Variants in SEMA4B observed in about 807,000 individuals in gnomAD.
SEMA4B encodes the protein semaphorin 4B.
SEMA4B carries 55 observed loss-of-function variants against 88.1 expected under a neutral mutation model. That is an observed-to-expected ratio of 0.62 (90% CI 0.50 to 0.78). The LOEUF is 0.78. Among genes scored for constraint, SEMA4B ranks in the 30% least tolerant of loss-of-function variants. The pLI, the probability that SEMA4B is intolerant of heterozygous loss-of-function variation, is 0.00. For missense variants in SEMA4B, 1,062 were observed against 1,111.9 expected (o/e 0.96, Z 0.64); for synonymous variants, 525 against 473.6 (o/e 1.11, Z -1.41).
Position 90,219,843 on chromosome 15 carries a change from C to T in SEMA4B, c.435C>T (p.His145=). Residue 145 remains histidine, a synonymous_variant, in exon 4 of 14, where the codon CAC becomes CAT. Transcript: ENST00000411539. ...IKILLPLSGS[H]LFTCGTAAFS... ...TCCTCCTGCCGCTCAGCGGCAGTCA[C>T]CTGTTCACCTGTGGCACAGCAGCCT... is the stretch of plus-strand genomic sequence containing the variant. 1 of 1,613,692 alleles carries T rather than the reference C, an allele frequency of 6.2e-7. No homozygotes were observed. Among genetic ancestry groups the T allele is most frequent in the Non-Finnish European group, 8.5e-7 (1 of 1,179,842 alleles).
intron 9 of SEMA4B, among the ~76,000 whole-genome samples, chr15:90,224,366 C>G (rs1396306414): frequency 6.6e-6 from 1 of 152,212 alleles, no homozygotes; most frequent in Non-Finnish European, 1.5e-5. Context: ...GCCTAACGGG[C>G]TACCCTGATA....
At chr15:90,217,241 T>C in intron 1 of SEMA4B, 198 bp from the exon 2 acceptor site, 1 of 555,008 alleles carries the variant, frequency 1.8e-6, no homozygotes, top group Non-Finnish European at 3.2e-6. Flanking sequence ...CATCTCTGCA[T>C]CATTTCTTAT....
At chr15:90,200,682 T>G (rs1408030215), upstream of SEMA4B, among the ~76,000 whole-genome samples, 2 of 152,042 alleles carry the variant, frequency 1.3e-5, no homozygotes, top group East Asian at 3.9e-4. Flanking sequence ...GTTGTGAAGG[T>G]TTTACCTCCT....
In SEMA4B at chr15:90,209,278, C is replaced by T. The variant is rs149347067; in HGVS notation, c.157+7543C>T. ...AAAAGAAGAGCACAAAGACCGGGCGCGGTGGCTCACACCTGTAATCCCAAC... is the reference window on the plus strand; with the variant it reads ...AAAAGAAGAGCACAAAGACCGGGCGTGGTGGCTCACACCTGTAATCCCAAC... On this transcript the variant is annotated intron_variant, in intron 1 of 13. Coordinates refer to ENST00000411539, the MANE Select transcript of SEMA4B (RefSeq NM_198925.4). Among the ~76,000 whole-genome samples the T allele has an allele frequency of 1.6e-4, 24 of 152,222 alleles. No homozygotes were observed. In the East Asian group the frequency reaches 2.3e-3, roughly 15 times the overall value.
Position 90,229,174 on chromosome 15 carries a change from GC to G in SEMA4B, c.*533del, listed in dbSNP as rs1962372050. On this transcript the variant is annotated 3_prime_UTR_variant, in exon 14 of 14. Transcript: ENST00000411539. ...TGCGTGCGTTCTGCCTTGCCAGTCA[GC>G]CGAGGATGTAGTTGTTGCTGCCGTC... is the stretch of plus-strand genomic sequence containing the variant. 2.6e-6 allele frequency: 1 copy of G among 388,244 alleles called. No homozygotes were observed. The highest frequency in any genetic ancestry group is 5.2e-6 in the Non-Finnish European group (1 of 192,130). 24.0% of individuals were successfully genotyped at this position (388,244 alleles called of 1,614,324 possible). A position where few individuals can be genotyped will look rare whatever the true frequency, so the allele number is the denominator to read the frequency against.
chr15:90,215,571 G>T (rs577154775), intron 1 of SEMA4B, among the ~76,000 whole-genome samples: 12 of 152,336 alleles, frequency 7.9e-5, no homozygotes, highest in African/African-American at 2.9e-4. Context: ...CAGCACTTCG[G>T]GAGGCTGAGG....
Position 90,225,643 on chromosome 15 carries a change from C to G in SEMA4B, c.1522-18C>G, listed in dbSNP as rs1163602899. On this transcript the variant is annotated intron_variant, in intron 11 of 13. Transcript: ENST00000411539. ...GGCTGCCCATGCCCGCTTCTCATCC[C>G]CGTGTCTGGCTGTGCAGGGGCTGCT... 1 of 1,557,516 alleles carries G rather than the reference C, an allele frequency of 6.4e-7. No homozygotes were observed. Among genetic ancestry groups the G allele is most frequent in the African/African-American group, 1.4e-5 (1 of 73,346 alleles).
In SEMA4B at chr15:90,217,468, G is replaced by A. The variant is rs747924524; in HGVS notation, c.187G>A (p.Glu63Lys). The change falls in exon 2 of 14, where the codon GAA becomes AAA. Residue 63 changes from glutamate to lysine, a missense_variant. Physicochemically the swap from Glu to Lys is moderately conservative, Grantham distance 56. Coordinates refer to ENST00000411539, the MANE Select transcript of SEMA4B (RefSeq NM_198925.4). ...TGAAGAGCGGCCATTCCTCAGATTC[G>A]AAGCTGAACACATCTCCAACTACAC... ...GSEERPFLRF[E>K]AEHISNYTAL... 4 of 1,613,736 alleles carry A rather than the reference G, an allele frequency of 2.5e-6. No individual in the cohort carries two copies. Among genetic ancestry groups the A allele is most frequent in the East Asian group, 2.2e-5 (1 of 44,876 alleles).
chr15:90,226,967 T>TA (rs1167626549), intron 12 of SEMA4B, among the ~76,000 whole-genome samples: 16 of 151,914 alleles, frequency 1.1e-4, no homozygotes, highest in Non-Finnish European at 2.4e-4. Context: ...AAATTTTAAT[T>TA]AAAAAAAAGA....
At chr15:90,188,985 G>A (rs573565944) in intron 1 of SEMA4B, among the ~76,000 whole-genome samples, 1 of 152,240 alleles carries the variant, frequency 6.6e-6, no homozygotes, top group African/African-American at 2.4e-5. Context: ...AATATTCTCT[G>A]AAAGAACAGT....
rs1962363659 is a variant in SEMA4B, at chr15:90,229,064, C to G, written c.*421C>G. The stretch of plus-strand genomic sequence containing the variant: ...GTTGTCTGAGACAGAGTTGGAAACC[C>G]TCACCAACTGGCCTCTTCACCTTCC... On this transcript the variant is annotated 3_prime_UTR_variant, in exon 14 of 14. Coordinates refer to ENST00000411539, the MANE Select transcript of SEMA4B (RefSeq NM_198925.4). 3 of 356,990 alleles carry G rather than the reference C, an allele frequency of 8.4e-6. No individual in the cohort carries two copies. Among genetic ancestry groups the G allele is most frequent in the South Asian group, 4.3e-5 (2 of 46,968 alleles). 22.1% of individuals were successfully genotyped at this position (356,990 alleles called of 1,614,324 possible). A position where few individuals can be genotyped will look rare whatever the true frequency, so the allele number is the denominator to read the frequency against.
At position 90,224,236 on chromosome 15, in the gene SEMA4B, G is replaced by T. The variant is rs74855253; in HGVS notation, c.1194+248G>T. Among the ~76,000 whole-genome samples, 511 of 152,336 alleles carry T rather than the reference G, an allele frequency of 3.4e-3. 8 individuals carry two copies. In the East Asian group the frequency reaches 0.057, roughly 17 times the overall value. ...GTCCCCATCAGGGCACTTGCTGCAG[G>T]CTGTTACAATCATCTCTTCATTTGG... On this transcript the variant is annotated intron_variant, in intron 9 of 13. Coordinates refer to ENST00000411539, the MANE Select transcript of SEMA4B (RefSeq NM_198925.4).
chr15:90,198,308 G>GCATT (rs1386309495), upstream of SEMA4B, among the ~76,000 whole-genome samples: 2 of 152,244 alleles, frequency 1.3e-5, no homozygotes, highest in South Asian at 2.1e-4. Context: ...GACTCAAGTT[G>GCATT]CATTCATTCA....
intron 7 of SEMA4B, among the ~76,000 whole-genome samples, 198 bp downstream of exon 7, chr15:90,221,963 G>C (rs1399436002): frequency 2.0e-5 from 3 of 150,402 alleles, no homozygotes. Flanking sequence ...TTTTTAGACA[G>C]GATCTTTGCT....
At chr15:90,203,868 C>T (rs1214707931) in intron 1 of SEMA4B, among the ~76,000 whole-genome samples, 1 of 152,194 alleles carries the variant, frequency 6.6e-6, no homozygotes, top group Non-Finnish European at 1.5e-5. Context: ...CACCAAAGCC[C>T]TGGAATAGTG....
At chr15:90,188,037 G>C (rs79883484) in intron 1 of SEMA4B, among the ~76,000 whole-genome samples, 1,909 of 151,820 alleles carry the variant, frequency 0.013, 47 homozygotes, top group African/African-American at 0.043. Flanking sequence ...AAGAAACGTG[G>C]GTCAGGCATG....
intron 1 of SEMA4B, among the ~76,000 whole-genome samples, chr15:90,185,924 A>ATTTTTTTTTTTTT (rs398028319): frequency 2.5e-4 from 14 of 55,458 alleles, no homozygotes; most frequent in African/African-American, 1.1e-3. Context: ...TCTTTTGGTG[A>ATTTTTTTTTTTTT]TTTTTTTTTT....
intron 7 of SEMA4B, among the ~76,000 whole-genome samples, chr15:90,222,085 G>C (rs536370663): frequency 5.3e-5 from 8 of 151,256 alleles, no homozygotes; most frequent in Non-Finnish European, 2.9e-5. Flanking sequence ...GACTACAGGT[G>C]TGCGCCCCCA....
intron 1 of SEMA4B, among the ~76,000 whole-genome samples, chr15:90,207,991 G>A (rs753108622): frequency 2.0e-5 from 3 of 152,178 alleles, no homozygotes; most frequent in South Asian, 2.1e-4. Flanking sequence ...GGTGGCTCAC[G>A]CCTATAATCC....
Sources: gnomAD v4.1 joint callset for allele counts (sites outside exome capture counted in the v4.1 genomes callset) on GRCh38, gnomAD v4.1.1 for gene constraint, MANE v1.5 for transcripts, NCBI Gene and HGNC (gene_info 2026-07-23, HGNC 2026-07-21) for gene names.